Variants in GLB1L3 observed in about 807,000 individuals in gnomAD.
GLB1L3 encodes galactosidase beta 1 like 3.
GLB1L3 carries 89 observed loss-of-function variants against 89.5 expected under a neutral mutation model. The observed-to-expected ratio is 0.99, with a 90% CI of 0.84 to 1.19. The LOEUF is 1.19. Among genes scored for constraint, GLB1L3 ranks in the 50% most tolerant of loss-of-function variants. GLB1L3 has a pLI of 0.00. For missense variants in GLB1L3, 812 were observed against 813.3 expected (o/e 1.00, Z 0.02); for synonymous variants, 314 against 312.3 (o/e 1.01, Z -0.06).
chr11:134,312,515 G>A (rs766089972), intron 14 of GLB1L3, 26 bp downstream of exon 14: 1 of 1,606,694 alleles, frequency 6.2e-7, no homozygotes, highest in Admixed American at 1.7e-5. Flanking sequence ...TGTCTGTGTG[G>A]GAAGCAAAGT....
intron 11 of GLB1L3, 185 bp from the exon 12 acceptor site, chr11:134,310,386 A>G: frequency 1.7e-6 from 1 of 586,224 alleles, no homozygotes; most frequent in Non-Finnish European, 3.0e-6. Context: ...ACTGGAAGCC[A>G]GTGGAAGGTG....
chr11:134,299,486 G>A (rs1256804842), intron 9 of GLB1L3, among the ~76,000 whole-genome samples: 4 of 152,132 alleles, frequency 2.6e-5, no homozygotes, highest in Non-Finnish European at 5.9e-5. Flanking sequence ...GAGTTAGGCT[G>A]GTTGTGGGGT....
intron 9 of GLB1L3, among the ~76,000 whole-genome samples, chr11:134,298,221 G>A (rs2136169031): frequency 6.6e-6 from 1 of 151,968 alleles, no homozygotes; most frequent in Non-Finnish European, 1.5e-5. Flanking sequence ...GTGGTTTGGT[G>A]AAATTTACCA....
At chr11:134,308,870 A>G (rs972061376) in intron 10 of GLB1L3, among the ~76,000 whole-genome samples, 9 of 152,240 alleles carry the variant, frequency 5.9e-5, no homozygotes, top group Admixed American at 1.3e-4. Flanking sequence ...CAGGTCATAC[A>G]AATAGTAACG....
chr11:134,285,462 G>A (rs963758523), intron 6 of GLB1L3, among the ~76,000 whole-genome samples: 13 of 152,114 alleles, frequency 8.5e-5, no homozygotes, highest in African/African-American at 2.4e-4. Flanking sequence ...TCAAGGACAC[G>A]TCTCTTGATG....
chr11:134,292,068 A>T (rs570031839), intron 7 of GLB1L3, 64 bp from the exon 8 acceptor site: 2 of 1,053,048 alleles, frequency 1.9e-6, no homozygotes, highest in African/African-American at 1.6e-5. Context: ...GGGGAGCTGT[A>T]TGTATTTCTT....
intron 7 of GLB1L3, 43 bp downstream of exon 7, chr11:134,288,933 C>T (rs768259892): frequency 1.5e-6 from 2 of 1,330,402 alleles, no homozygotes; most frequent in Non-Finnish European, 2.1e-6. Context: ...ATGCCTCCTT[C>T]CTCCTCTGTG....
chr11:134,313,283 G>A, intron 15 of GLB1L3, 113 bp from the exon 16 acceptor site: 1 of 743,344 alleles, frequency 1.3e-6, no homozygotes, highest in Non-Finnish European at 2.3e-6. Context: ...CTGGGCCCTG[G>A]AGCCTCCTGT....
chr11:134,290,102 G>A (rs1941262596), intron 7 of GLB1L3, among the ~76,000 whole-genome samples: 1 of 152,218 alleles, frequency 6.6e-6, no homozygotes, highest in Non-Finnish European at 1.5e-5. Flanking sequence ...AGGTGGACAA[G>A]GTCAGAGAGT....
At chr11:134,277,257 C>CT in intron 1 of GLB1L3, 69 bp from the exon 2 acceptor site, 3 of 1,606,228 alleles carry the variant, frequency 1.9e-6, no homozygotes, top group Non-Finnish European at 2.6e-6. Flanking sequence ...CCCGGCACAG[C>CT]TTCCCGGCCC....
chr11:134,300,490 G>A (rs1170094089), intron 9 of GLB1L3, among the ~76,000 whole-genome samples: 13 of 151,860 alleles, frequency 8.6e-5, no homozygotes, highest in Non-Finnish European at 1.8e-4. Flanking sequence ...CCTCCACCAC[G>A]CCAGGCTAAT....
chr11:134,285,258 T>A (rs571701917), intron 6 of GLB1L3, among the ~76,000 whole-genome samples: 2 of 152,118 alleles, frequency 1.3e-5, no homozygotes, highest in Non-Finnish European at 2.9e-5. Flanking sequence ...TACCCAGACC[T>A]CATGCACTTG....
chr11:134,309,458 T>TA (rs200874906), intron 10 of GLB1L3, among the ~76,000 whole-genome samples, 168 bp from the exon 11 acceptor site: 51 of 149,896 alleles, frequency 3.4e-4, no homozygotes, highest in African/African-American at 1.2e-3. Flanking sequence ...TTTTTTTTTT[T>TA]ATATCATTTT....
chr11:134,308,506 C>T lies in GLB1L3; in HGVS notation c.962-1120C>T, dbSNP rs1393920218. Among the ~76,000 whole-genome samples, 8 of 47,134 alleles carry T rather than the reference C, an allele frequency of 1.7e-4. 1 individual carries two copies. Among genetic ancestry groups the T allele is most frequent in the South Asian group, 1.3e-3 (2 of 1,520 alleles). The allele number at this position is 47,134 out of a possible 152,430, so 30.9% of individuals were successfully genotyped here. A position where few individuals can be genotyped will look rare whatever the true frequency, so the allele number is the denominator to read the frequency against. Reference sequence around the variant, plus strand: ...CACCACCATCACCACCAAATACCACCACCACCACCACCATGTCCACCACCA... The same window carrying T: ...CACCACCATCACCACCAAATACCACTACCACCACCACCATGTCCACCACCA... On this transcript the variant is annotated intron_variant, in intron 10 of 19. Coordinates refer to ENST00000431683, the MANE Select transcript of GLB1L3 (RefSeq NM_001080407.3).
rs922211374 is a variant in GLB1L3 at position 134,277,143 on chromosome 11, G to T, written c.24-183G>T. ...TCTGTCCCCGGCCTTCATCCTGGCT[G>T]CAGAGGACTGGCCGGGTGATGCCGC... is the stretch of plus-strand genomic sequence containing the variant. On this transcript the variant is annotated intron_variant, in intron 1 of 19. Transcript: ENST00000431683. 4 of 735,194 alleles carry T rather than the reference G, an allele frequency of 5.4e-6. No homozygotes were observed. In the East Asian group the frequency reaches 1.0e-4, roughly 19 times the overall value. 45.5% of individuals were successfully genotyped at this position (735,194 alleles called of 1,614,324 possible). A position where few individuals can be genotyped will look rare whatever the true frequency, so the allele number is the denominator to read the frequency against.
chr11:134,277,224 C>G, intron 1 of GLB1L3, 102 bp from the exon 2 acceptor site: 4 of 1,500,746 alleles, frequency 2.7e-6, no homozygotes, highest in African/African-American at 1.4e-5. Context: ...GGCCCCCTCC[C>G]TGGCTCTGGC....
intron 7 of GLB1L3, 117 bp downstream of exon 7, chr11:134,289,007 C>A: frequency 1.4e-6 from 1 of 698,566 alleles, no homozygotes; most frequent in African/African-American, 1.8e-5. Flanking sequence ...GAATGTTGGC[C>A]TGTGAACACG....
intron 14 of GLB1L3, 126 bp from the exon 15 acceptor site, chr11:134,312,690 A>G: frequency 1.0e-6 from 1 of 964,916 alleles, no homozygotes; most frequent in Non-Finnish European, 1.6e-6. Context: ...AGGCAGCTTC[A>G]TGCCATCAGT....
At chr11:134,290,547 T>C (rs1376328251) in intron 7 of GLB1L3, among the ~76,000 whole-genome samples, 1 of 134,080 alleles carries the variant, frequency 7.5e-6, no homozygotes, top group Non-Finnish European at 1.5e-5. Flanking sequence ...GACTCCAGCC[T>C]GGGTGACAGA....
Sources: gnomAD v4.1 joint callset for allele counts (sites outside exome capture counted in the v4.1 genomes callset) on GRCh38, gnomAD v4.1.1 for gene constraint, MANE v1.5 for transcripts, NCBI Gene and HGNC (gene_info 2026-07-23, HGNC 2026-07-21) for gene names.